The following DCP1A variants were observed in gnomAD, a reference collection of about 807,000 sequenced individuals.
The protein encoded by DCP1A is mRNA-decapping enzyme 1A.
Under a neutral mutation model 58.0 loss-of-function variants are expected in DCP1A, and 20 were observed. That is an observed-to-expected ratio of 0.34 (90% confidence interval 0.24 to 0.50). The LOEUF is 0.50. Ranked by LOEUF, DCP1A falls within the 20% of genes least tolerant of loss-of-function variation. The pLI, the probability that DCP1A is intolerant of heterozygous loss-of-function variation, is 0.98. For missense variants in DCP1A, 613 were observed against 712.2 expected (o/e 0.86, Z 1.59); for synonymous variants, 285 against 275.1 (o/e 1.04, Z -0.36).
chr3:53,302,058 T>A (rs576121572), intron 6 of DCP1A, among the ~76,000 whole-genome samples: 3 of 152,250 alleles, frequency 2.0e-5, no homozygotes, highest in Non-Finnish European at 4.4e-5. Context: ...ATATTTAGCA[T>A]CTTGACTGTG....
At chr3:53,319,302 G>C (rs1707895504) in intron 4 of DCP1A, 105 bp downstream of exon 4, 2 of 672,818 alleles carry the variant, frequency 3.0e-6, no homozygotes, top group African/African-American at 3.6e-5. Flanking sequence ...AAAGAAATTG[G>C]GGAAATACAT....
At chr3:53,335,676 T>C (rs1398864401) in intron 3 of DCP1A, among the ~76,000 whole-genome samples, 7 of 152,226 alleles carry the variant, frequency 4.6e-5, no homozygotes, top group African/African-American at 1.7e-4. Flanking sequence ...TCCTCAGATA[T>C]ATCTTCTAGC....
At chr3:53,316,493 G>C (rs1553689257) in intron 4 of DCP1A, among the ~76,000 whole-genome samples, 1 of 151,638 alleles carries the variant, frequency 6.6e-6, no homozygotes, top group Non-Finnish European at 1.5e-5. Context: ...GAACTCCTGG[G>C]GCCCAAGTGA....
At chr3:53,317,907 T>C (rs1553689427) in intron 4 of DCP1A, among the ~76,000 whole-genome samples, 1 of 152,220 alleles carries the variant, frequency 6.6e-6, no homozygotes, top group African/African-American at 2.4e-5. Flanking sequence ...AGGGGGCCGA[T>C]AACTTCCGAT....
intron 5 of DCP1A, 116 bp from the exon 6 acceptor site, chr3:53,304,406 A>AC (rs1553687761): frequency 4.4e-6 from 3 of 684,706 alleles, no homozygotes; most frequent in Non-Finnish European, 7.3e-6. Context: ...AAGAAGAAAA[A>AC]CCAACCTCAA....
chr3:53,311,019 A>G (rs1559691468), intron 5 of DCP1A, among the ~76,000 whole-genome samples: 2 of 152,180 alleles, frequency 1.3e-5, no homozygotes, highest in Admixed American at 6.5e-5. Context: ...AATTGGTGTT[A>G]TTGTTTTACT....
rs546392936 is a variant in DCP1A at position 53,325,141 on chromosome 3, C to T, written c.305-5668G>A. ...TAGACCCGTTTAAAGATATAGCAAC[C>T]TATTATGATTTCATATAAAATATTT... On this transcript the variant is annotated intron_variant, in intron 3 of 9. Transcript: ENST00000610213. Among the ~76,000 whole-genome samples, 37 of 152,230 alleles carry T rather than the reference C, an allele frequency of 2.4e-4. 1 individual carries two copies. The South Asian group carries it at 7.5e-3, about 31-fold the overall frequency.
intron 5 of DCP1A, among the ~76,000 whole-genome samples, chr3:53,308,030 G>C (rs1259613459): frequency 6.6e-6 from 1 of 152,018 alleles, no homozygotes; most frequent in Non-Finnish European, 1.5e-5. Context: ...AACAAAACAG[G>C]TTACCAAAGA....
rs149234097 is a variant in DCP1A at position 53,287,799 on chromosome 3, A to G, written c.1669-139T>C. 326 of 678,428 alleles carry G rather than the reference A, an allele frequency of 4.8e-4. 2 individuals are homozygous for G. The African/African-American group carries it at 5.5e-3, about 11-fold the overall frequency. 42.0% of individuals were successfully genotyped at this position (678,428 alleles called of 1,614,324 possible). A position where few individuals can be genotyped will look rare whatever the true frequency, so the allele number is the denominator to read the frequency against. Reference sequence around the variant, plus strand: ...ATCCCACCACCCAGAGACAATCATGATTAATATTTTGAGTTCATGCAGATA... The same window carrying G: ...ATCCCACCACCCAGAGACAATCATGGTTAATATTTTGAGTTCATGCAGATA... On this transcript the variant is annotated intron_variant, in intron 9 of 9. Transcript: ENST00000610213.
At chr3:53,342,023 TA>T in intron 3 of DCP1A, 120 bp downstream of exon 3, 1 of 870,678 alleles carries the variant, frequency 1.1e-6, no homozygotes, top group Non-Finnish European at 1.7e-6. Context: ...GACTCATTTA[TA>T]ATCATTAAGT....
At chr3:53,334,002 C>A (rs1553691632) in intron 3 of DCP1A, among the ~76,000 whole-genome samples, 1 of 150,922 alleles carries the variant, frequency 6.6e-6, no homozygotes, top group African/African-American at 2.4e-5. Flanking sequence ...GTGGCTCACA[C>A]CTATAATCCA....
intron 6 of DCP1A, among the ~76,000 whole-genome samples, chr3:53,297,062 A>G (rs1553686849): frequency 6.6e-6 from 1 of 152,160 alleles, no homozygotes. Context: ...TATATGGAGC[A>G]TTTTCCATAT....
chr3:53,320,813 T>C (rs1415488935), intron 3 of DCP1A, among the ~76,000 whole-genome samples: 1 of 152,210 alleles, frequency 6.6e-6, no homozygotes, highest in Non-Finnish European at 1.5e-5. Context: ...AATAGGAACC[T>C]GTTCTCTATT....
In DCP1A at chr3:53,347,539, C is replaced by T. The variant is rs371495498; in HGVS notation, c.-22G>A. 8.8e-6 allele frequency: 14 copies of T among 1,593,918 alleles called. No homozygotes were observed. In the Admixed American group the frequency reaches 1.3e-4, roughly 14 times the overall value. The stretch of plus-strand genomic sequence containing the variant: ...CCATCTTGAATCCCAGAGCCTAGCC[C>T]CTCTGGTGGGGGCGGAGTCGCGGAC... On this transcript the variant is annotated 5_prime_UTR_variant, in exon 1 of 10. Coordinates refer to ENST00000610213, the MANE Select transcript of DCP1A (RefSeq NM_018403.7).
At chr3:53,311,015 T>A (rs1451771447) in intron 5 of DCP1A, among the ~76,000 whole-genome samples, 2 of 152,202 alleles carry the variant, frequency 1.3e-5, no homozygotes, top group Non-Finnish European at 2.9e-5. Flanking sequence ...TGGGAATTGG[T>A]GTTATTGTTT....
At chr3:53,319,249 A>G (rs1436022725) in intron 4 of DCP1A, among the ~76,000 whole-genome samples, 158 bp downstream of exon 4, 1 of 152,208 alleles carries the variant, frequency 6.6e-6, no homozygotes, top group African/African-American at 2.4e-5. Flanking sequence ...ATAATTATAT[A>G]TATTTTAAAG....
rs1319025660 is a variant in DCP1A at position 53,286,743 on chromosome 3, A to C, written c.*837T>G. The C allele has an allele frequency of 1.3e-5, 2 of 152,228 alleles. No homozygotes were observed. The highest frequency in any genetic ancestry group is 2.9e-5 in the Non-Finnish European group (2 of 68,038). The allele number at this position is 152,228 out of a possible 1,614,324, so 9.4% of individuals were successfully genotyped here. On this transcript the variant is annotated 3_prime_UTR_variant, in exon 10 of 10. Transcript: ENST00000610213. The stretch of plus-strand genomic sequence containing the variant: ...CAAAGTGTTAAGGAAAACAATCAAC[A>C]ATGACAGAAAAGGAAAATAAGGCTG...
At chr3:53,329,672 G>A (rs887832358) in intron 3 of DCP1A, among the ~76,000 whole-genome samples, 1 of 152,068 alleles carries the variant, frequency 6.6e-6, no homozygotes, top group African/African-American at 2.4e-5. Flanking sequence ...AACCTGTCAA[G>A]GTAAAATAAA....
Position 53,288,341 on chromosome 3 carries a change from G to C in DCP1A, c.1450-58C>G, listed in dbSNP as rs1299606740. 4 of 1,372,848 alleles carry C rather than the reference G, an allele frequency of 2.9e-6. No homozygotes were observed. The South Asian group carries it at 3.7e-5, about 13-fold the overall frequency. 85.0% of individuals were successfully genotyped at this position (1,372,848 alleles called of 1,614,324 possible). ...GTGCAGAAGCCAGTAGCCAGGCCCA[G>C]AATAGGGACCATGTGGAAACAGGCA... On this transcript the variant is annotated intron_variant, in intron 8 of 9. Coordinates refer to ENST00000610213, the MANE Select transcript of DCP1A (RefSeq NM_018403.7).
Sources: gnomAD v4.1 joint callset for allele counts (sites outside exome capture counted in the v4.1 genomes callset) on GRCh38, gnomAD v4.1.1 for gene constraint, MANE v1.5 for transcripts, NCBI Gene and HGNC (gene_info 2026-07-23, HGNC 2026-07-21) for gene names.